OR11A1: variants seen among roughly 807,000 people sequenced by gnomAD.
OR11A1 encodes olfactory receptor family 11 subfamily A member 1.
For synonymous variants in OR11A1, 158 were observed against 152.2 expected (o/e 1.04, Z -0.28); for missense variants, 380 against 378.2 (o/e 1.00, Z -0.04).
chr6:29,433,422 C>A (rs1783380191), intron 1 of OR11A1, among the ~76,000 whole-genome samples: 1 of 152,110 alleles, frequency 6.6e-6, no homozygotes, highest in South Asian at 2.1e-4. Context: ...AGAAGGGAGA[C>A]CATGAGGTAT....
Position 29,442,732 on chromosome 6 carries a change from A to C in OR11A1, c.-388-10745T>G, listed in dbSNP as rs530847432. 3.3e-5 allele frequency among the ~76,000 whole-genome samples: 5 copies of C among 152,386 alleles called. No homozygotes were observed. The East Asian group carries it at 7.7e-4, about 24-fold the overall frequency. The stretch of plus-strand genomic sequence containing the variant: ...CTCAAACTCATTTTATCAATGTGGA[A>C]AACCTCACAACTACTGCTCTTCAAT... On this transcript the variant is annotated intron_variant, in intron 1 of 4. Transcript: ENST00000377149.
In OR11A1 at chr6:29,440,728, C is replaced by G; in HGVS notation, c.-388-8741G>C. On this transcript the variant is annotated intron_variant, in intron 1 of 4. Transcript: ENST00000377149. ...GTTGCGGGCCGCCGCAAGGCCTTCT[C>G]CACCTGCTCCTCCCACCTGATCATG... 2 of 1,613,924 alleles carry G rather than the reference C, an allele frequency of 1.2e-6. No homozygotes were observed.
At position 29,427,651 on chromosome 6, in the gene OR11A1, C is replaced by A. The variant is rs1782940182; in HGVS notation, c.-10G>T. The A allele has an allele frequency of 6.3e-7, 1 of 1,595,802 alleles. No homozygotes were observed. The highest frequency in any genetic ancestry group is 8.5e-7 in the Non-Finnish European group (1 of 1,170,100). On this transcript the variant is annotated 5_prime_UTR_variant, in exon 5 of 5. Coordinates refer to ENST00000377149, the MANE Select transcript of OR11A1 (RefSeq NM_001394828.1). Reference sequence around the variant, plus strand: ...TGGAGACAATTTCCATGTCGATCGTCCAAGTTTCTGCTTGGCAATAATTGG... The same window carrying A: ...TGGAGACAATTTCCATGTCGATCGTACAAGTTTCTGCTTGGCAATAATTGG...
At chr6:29,430,552 T>C (rs1262525572) in intron 2 of OR11A1, 127 bp from the exon 3 acceptor site, 1 of 556,458 alleles carries the variant, frequency 1.8e-6, no homozygotes, top group Non-Finnish European at 2.3e-6. Flanking sequence ...TTAAGTGAAA[T>C]ATCTCAGAAA....
intron 1 of OR11A1, among the ~76,000 whole-genome samples, chr6:29,437,330 C>G (rs1446409091): frequency 6.6e-6 from 1 of 152,216 alleles, no homozygotes; most frequent in Non-Finnish European, 1.5e-5. Context: ...AAATGTGGCA[C>G]ATACACACCA....
intron 1 of OR11A1, chr6:29,440,761 T>A (rs1272427363): frequency 6.2e-7 from 1 of 1,613,930 alleles, no homozygotes; most frequent in Admixed American, 1.7e-5. Flanking sequence ...ATGGTCTCCC[T>A]CTTCTATGGC....
At chr6:29,439,859 C>A (rs748600653) in intron 1 of OR11A1, 2 of 625,256 alleles carry the variant, frequency 3.2e-6, no homozygotes, top group Non-Finnish European at 5.6e-6. Context: ...CCAGGCAAGG[C>A]TGCCTAATTT....
At position 29,426,791 on chromosome 6, in the gene OR11A1, G is replaced by A. The variant is rs943711733; in HGVS notation, c.851C>T (p.Pro284Leu). The A allele has an allele frequency of 3.7e-6, 6 of 1,613,016 alleles. No homozygotes were observed. Among genetic ancestry groups the A allele is most frequent in the African/African-American group, 1.3e-5 (1 of 74,928 alleles). The change falls in exon 5 of 5, where the codon CCT becomes CTT. Residue 284 changes from proline to leucine, a missense_variant. Transcript: ENST00000377149. ...GGTATAGATCACAGGATTGAAGAGA[G>A]GGGTGACCACAGTGTAGAGCAGGGA... ...VFSLLYTVVT[P>L]LFNPVIYTMR...
chr6:29,440,989 G>T (rs1173085032), intron 1 of OR11A1: 1 of 1,349,884 alleles, frequency 7.4e-7, no homozygotes, highest in Non-Finnish European at 1.0e-6. Context: ...GCAGTGCTCT[G>T]AGTCAGTCCC....
intron 1 of OR11A1, among the ~76,000 whole-genome samples, chr6:29,434,295 C>T (rs536158172): frequency 2.8e-4 from 43 of 152,252 alleles, no homozygotes; most frequent in African/African-American, 9.9e-4. Flanking sequence ...TTACAGTTTG[C>T]AGTCATATGT....
intron 1 of OR11A1, among the ~76,000 whole-genome samples, chr6:29,448,010 C>T (rs200539014): frequency 4.6e-4 from 37 of 79,966 alleles, no homozygotes; most frequent in Non-Finnish European, 6.5e-4. Flanking sequence ...ATGACCCTTT[C>T]TTTTTTTTTT....
chr6:29,441,094 A>G (rs919250324), intron 1 of OR11A1: 3 of 617,184 alleles, frequency 4.9e-6, no homozygotes, highest in East Asian at 2.7e-5. Context: ...TTGAAAAGCT[A>G]CCGTAGTCAA....
rs187819480 is a variant in OR11A1 at position 29,452,096 on chromosome 6, T to C, written c.-389+4891A>G. Among the ~76,000 whole-genome samples the C allele has an allele frequency of 1.4e-3, 210 of 152,314 alleles. 5 individuals carry two copies. In the East Asian group the frequency reaches 0.021, roughly 15 times the overall value. On this transcript the variant is annotated intron_variant, in intron 1 of 4. Transcript: ENST00000377149. ...CAGGATTGGAAAACCAAATGCTGCA[T>C]GTTCTCACTTGTAAGTGGGAGCAAA...
intron 1 of OR11A1, chr6:29,439,997 T>C (rs1235212781): frequency 1.3e-6 from 2 of 1,595,742 alleles, no homozygotes; most frequent in Non-Finnish European, 1.7e-6. Flanking sequence ...TGTCTTCCAG[T>C]CAAAGGTATG....
intron 1 of OR11A1, chr6:29,440,061 T>C (rs1389995389): frequency 6.2e-7 from 1 of 1,613,090 alleles, no homozygotes. Context: ...TCTTCTCGGC[T>C]TCTCCCACCT....
In OR11A1 at chr6:29,427,073, C is replaced by G. The variant is rs1782872456; in HGVS notation, c.569G>C (p.Cys190Ser). Residue 190 changes from cysteine to serine, a missense_variant, in exon 5 of 5, where the codon TGC (cysteine) becomes TCC (serine). Physicochemically the swap from Cys to Ser is moderately radical, Grantham distance 112. Coordinates refer to ENST00000377149, the MANE Select transcript of OR11A1 (RefSeq NM_001394828.1). The stretch of plus-strand genomic sequence containing the variant: ...CACCTGAGCCACTCTGGGATCCGAG[C>G]AAGCCAGGCCCACGAAAAGCATAAA... ...CDFMLFVGLA[C>S]SDPRVAQVTT... 6.2e-7 allele frequency: 1 copy of G among 1,612,310 alleles called. No individual in the cohort carries two copies. The highest frequency in any genetic ancestry group is 8.5e-7 in the Non-Finnish European group (1 of 1,179,998).
chr6:29,454,113 A>G (rs2151407834), intron 1 of OR11A1, among the ~76,000 whole-genome samples: 1 of 152,312 alleles, frequency 6.6e-6, no homozygotes, highest in South Asian at 2.1e-4. Context: ...TATAGTATCT[A>G]AAATGAGACA....
At chr6:29,448,763 A>G (rs1002113813) in intron 1 of OR11A1, among the ~76,000 whole-genome samples, 2 of 152,134 alleles carry the variant, frequency 1.3e-5, no homozygotes, top group Non-Finnish European at 2.9e-5. Context: ...CCTGCTTCCC[A>G]TGACTTCCAT....
chr6:29,447,009 A>T (rs528500558), intron 1 of OR11A1, among the ~76,000 whole-genome samples: 3 of 152,320 alleles, frequency 2.0e-5, no homozygotes, highest in African/African-American at 7.2e-5. Context: ...ACCTAAATAA[A>T]TTACTCAACT....
Sources: gnomAD v4.1 joint callset for allele counts (sites outside exome capture counted in the v4.1 genomes callset) on GRCh38, gnomAD v4.1.1 for gene constraint, MANE v1.5 for transcripts, NCBI Gene and HGNC (gene_info 2026-07-23, HGNC 2026-07-21) for gene names.